Variants in DYNC1I1 observed in about 807,000 individuals in gnomAD.
DYNC1I1 encodes cytoplasmic dynein 1 intermediate chain 1.
In DYNC1I1, 43 loss-of-function variants were observed where a neutral mutation model predicts 86.6. The ratio of observed to expected loss-of-function variants is 0.50; its 90% CI spans 0.39 to 0.64. DYNC1I1 has a LOEUF of 0.64. Among genes scored for constraint, DYNC1I1 ranks in the 30% least tolerant of loss-of-function variants. DYNC1I1 has a pLI of 0.00. For synonymous variants in DYNC1I1, 262 were observed against 283.7 expected (o/e 0.92, Z 0.77); for missense variants, 604 against 788.8 (o/e 0.77, Z 2.81).
At chr7:95,891,464 CT>C in intron 6 of DYNC1I1, among the ~76,000 whole-genome samples, 1 of 152,224 alleles carries the variant, frequency 6.6e-6, no homozygotes, top group African/African-American at 2.4e-5. Flanking sequence ...CCACTTTTGC[CT>C]TTGTAGATGT....
At chr7:95,985,642 G>T (rs189707711) in intron 8 of DYNC1I1, among the ~76,000 whole-genome samples, 178 of 152,232 alleles carry the variant, frequency 1.2e-3, no homozygotes, top group Non-Finnish European at 1.8e-3. Context: ...CATAAATATA[G>T]CTGTTCTTAG....
At chr7:95,916,721 G>T (rs528518705) in intron 6 of DYNC1I1, among the ~76,000 whole-genome samples, 16 of 152,060 alleles carry the variant, frequency 1.1e-4, no homozygotes, top group East Asian at 1.9e-4. Context: ...CAGTTTTGCC[G>T]CTTTGTCCTG....
intron 5 of DYNC1I1, among the ~76,000 whole-genome samples, chr7:95,865,531 CTT>C (rs1336964316): frequency 6.6e-6 from 1 of 152,142 alleles, no homozygotes; most frequent in Non-Finnish European, 1.5e-5. Flanking sequence ...AAATAAGTAT[CTT>C]TGCAGTCTAG....
chr7:95,928,954 C>T (rs73710556), intron 6 of DYNC1I1, among the ~76,000 whole-genome samples: 1,541 of 152,206 alleles, frequency 0.01, 24 homozygotes, highest in African/African-American at 0.035. Flanking sequence ...CCCTCCCTTC[C>T]GTCCCCAAAC....
chr7:95,833,614 C>T (rs1788986511), intron 5 of DYNC1I1, among the ~76,000 whole-genome samples: 1 of 147,982 alleles, frequency 6.8e-6, no homozygotes, highest in South Asian at 2.3e-4. Flanking sequence ...ATGGAATGTT[C>T]TTCCATTTGT....
intron 14 of DYNC1I1, among the ~76,000 whole-genome samples, chr7:96,073,835 G>A (rs967571392): frequency 1.3e-5 from 2 of 152,114 alleles, no homozygotes; most frequent in Non-Finnish European, 2.9e-5. Context: ...AGTCATTGAA[G>A]GTGCAGCCAC....
intron 6 of DYNC1I1, among the ~76,000 whole-genome samples, chr7:95,913,669 T>C (rs1258878865): frequency 1.3e-5 from 2 of 152,202 alleles, no homozygotes; most frequent in African/African-American, 4.8e-5. Context: ...GTCTCAGGTA[T>C]ATCTTTATTA....
chr7:95,901,047 C>T (rs778715404), intron 6 of DYNC1I1, among the ~76,000 whole-genome samples: 1 of 152,174 alleles, frequency 6.6e-6, no homozygotes, highest in Non-Finnish European at 1.5e-5. Context: ...ATGGCATCCT[C>T]CTTTTTAAGC....
At chr7:95,967,904 A>G (rs1793057031) in intron 6 of DYNC1I1, among the ~76,000 whole-genome samples, 1 of 152,174 alleles carries the variant, frequency 6.6e-6, no homozygotes, top group Admixed American at 6.5e-5. Context: ...GCATGTGTGT[A>G]TGTGCATGCT....
chr7:95,797,484 A>G (rs1394176532), intron 1 of DYNC1I1, among the ~76,000 whole-genome samples: 1 of 152,236 alleles, frequency 6.6e-6, no homozygotes, highest in African/African-American at 2.4e-5. Context: ...TGATTTTCAG[A>G]TATAATATAA....
intron 10 of DYNC1I1, among the ~76,000 whole-genome samples, chr7:96,013,523 A>T (rs978370818): frequency 1.3e-5 from 2 of 152,166 alleles, no homozygotes; most frequent in Admixed American, 1.3e-4. Context: ...CAGTGGCATG[A>T]TCTCAGCTCA....
intron 10 of DYNC1I1, among the ~76,000 whole-genome samples, chr7:96,011,000 G>A (rs564477424): frequency 6.9e-4 from 105 of 152,248 alleles, no homozygotes; most frequent in Non-Finnish European, 1.2e-3. Context: ...TAAATTATAC[G>A]GGAAAATTGA....
rs577966632 is a variant in DYNC1I1, at chr7:95,964,276, C to T, written c.491-13236C>T. 5.3e-5 allele frequency among the ~76,000 whole-genome samples: 8 copies of T among 152,224 alleles called. No individual in the cohort carries two copies. In the South Asian group the frequency reaches 1.7e-3, roughly 32 times the overall value. On this transcript the variant is annotated intron_variant, in intron 6 of 16. Coordinates refer to ENST00000447467, the MANE Select transcript of DYNC1I1 (RefSeq NM_001135556.2). ...GATCTTATTTCCATTTTCTAGAGAA[C>T]AAGAATTCTAAAGAGATAGATAATT...
intron 14 of DYNC1I1, among the ~76,000 whole-genome samples, chr7:96,050,690 A>T (rs1182882716): frequency 6.6e-6 from 1 of 152,098 alleles, no homozygotes; most frequent in Non-Finnish European, 1.5e-5. Flanking sequence ...CATGATTGCC[A>T]CTAGACCTGC....
chr7:96,052,890 A>T (rs1244922069), intron 14 of DYNC1I1, among the ~76,000 whole-genome samples: 1 of 152,222 alleles, frequency 6.6e-6, no homozygotes, highest in African/African-American at 2.4e-5. Context: ...GATGTCATGT[A>T]GACTGAAGGT....
chr7:95,859,566 A>G (rs1789820152), intron 5 of DYNC1I1, among the ~76,000 whole-genome samples: 1 of 152,192 alleles, frequency 6.6e-6, no homozygotes, highest in African/African-American at 2.4e-5. Flanking sequence ...GTGTTGGGGT[A>G]TGCATGAAGC....
At chr7:96,006,660 T>A (rs1397388394) in intron 10 of DYNC1I1, among the ~76,000 whole-genome samples, 1 of 152,148 alleles carries the variant, frequency 6.6e-6, no homozygotes, top group Admixed American at 6.5e-5. Context: ...AAATCAGATA[T>A]GATTTACTAA....
At chr7:95,844,627 T>G (rs935918912) in intron 5 of DYNC1I1, among the ~76,000 whole-genome samples, 3 of 151,662 alleles carry the variant, frequency 2.0e-5, no homozygotes, top group Admixed American at 2.0e-4. Context: ...TTCTTTTGAT[T>G]GGTTGGGGGT....
intron 6 of DYNC1I1, among the ~76,000 whole-genome samples, chr7:95,964,505 C>A (rs1297251050): frequency 6.6e-6 from 1 of 152,164 alleles, no homozygotes; most frequent in Admixed American, 6.5e-5. Flanking sequence ...AACAAACATT[C>A]ATTGCCATCT....
Sources: gnomAD v4.1 joint callset for allele counts (sites outside exome capture counted in the v4.1 genomes callset) on GRCh38, gnomAD v4.1.1 for gene constraint, MANE v1.5 for transcripts, NCBI Gene and HGNC (gene_info 2026-07-23, HGNC 2026-07-21) for gene names.